IGSF10: variants seen among roughly 807,000 people sequenced by gnomAD.
IGSF10 encodes the protein immunoglobulin superfamily member 10.
A neutral mutation model predicts 128.2 loss-of-function variants in IGSF10; 126 were observed. The ratio of observed to expected loss-of-function variants is 0.98; its 90% confidence interval spans 0.85 to 1.14. IGSF10 has a LOEUF of 1.14. Ranked by LOEUF, IGSF10 falls within the 50% of genes most tolerant of loss-of-function variation. IGSF10 has a pLI of 0.00. For synonymous variants in IGSF10, 1,185 were observed against 1,146.2 expected (o/e 1.03, Z -0.68); for missense variants, 3,295 against 3,149.8 (o/e 1.05, Z -1.10).
the IGSF10 span, among the ~76,000 whole-genome samples, chr3:151,498,184 G>T: frequency 3.3e-5 from 5 of 152,136 alleles, no homozygotes; most frequent in East Asian, 1.9e-4. Context: ...CTGCCTGATT[G>T]CCCTGGCCAG....
Position 151,443,513 on chromosome 3 carries a change from T to C in IGSF10, c.5434A>G (p.Ile1812Val). ...CATTTGTAAAAGCCACGGTCATAAA[T>C]ACTGAGATTGTGGAGGACCAATGTT... ...DGTLVLHNLS[I>V]YDRGFYKCVA... The change falls in exon 7 of 8, where the codon ATT (isoleucine) becomes GTT (valine). Residue 1812 changes from isoleucine to valine, a missense_variant. By Grantham distance (29) the Ile-to-Val change is conservative. Transcript: ENST00000282466. The C allele has an allele frequency of 6.2e-7, 1 of 1,614,230 alleles. No individual in the cohort carries two copies. Among genetic ancestry groups the C allele is most frequent in the Non-Finnish European group, 8.5e-7 (1 of 1,180,044 alleles).
At chr3:151,517,270 T>C in the IGSF10 span, among the ~76,000 whole-genome samples, 2 of 152,026 alleles carry the variant, frequency 1.3e-5, no homozygotes, top group Admixed American at 6.6e-5. Context: ...ATATATCCCA[T>C]CAGATATTAT....
At chr3:151,434,893 T>C (rs547718421), downstream of IGSF10, 2 of 152,300 alleles carry the variant, frequency 1.3e-5, 1 homozygote, top group African/African-American at 4.8e-5. Flanking sequence ...GTGGGGCATA[T>C]CTTTTTTCTT....
chr3:151,432,734 AT>A (rs751723132), downstream of IGSF10: 20 of 1,609,258 alleles, frequency 1.2e-5, no homozygotes, highest in Non-Finnish European at 1.7e-5. Context: ...TTTTGGTTCA[AT>A]TTATTTTTCT....
At chr3:151,459,227 C>A (rs186616060) in intron 2 of IGSF10, among the ~76,000 whole-genome samples, 74 of 152,282 alleles carry the variant, frequency 4.9e-4, no homozygotes, top group African/African-American at 1.7e-3. Context: ...TCCTTTCCAG[C>A]CTTTTTCATC....
At chr3:151,478,780 G>A in the IGSF10 span, among the ~76,000 whole-genome samples, 2 of 151,976 alleles carry the variant, frequency 1.3e-5, no homozygotes, top group Non-Finnish European at 2.9e-5. Context: ...CATCCTTAGG[G>A]ACTAAAAAAA....
the IGSF10 span, among the ~76,000 whole-genome samples, chr3:151,593,162 G>A: frequency 3.9e-5 from 6 of 152,072 alleles, no homozygotes; most frequent in East Asian, 3.9e-4. Context: ...ACAGGTGCTC[G>A]CGCTGACATC....
At chr3:151,556,860 C>T in the IGSF10 span, among the ~76,000 whole-genome samples, 8 of 151,976 alleles carry the variant, frequency 5.3e-5, no homozygotes, top group Non-Finnish European at 1.2e-4. Context: ...GCTGACCATT[C>T]GTTCTGTCTA....
At chr3:151,527,689 C>G in the IGSF10 span, among the ~76,000 whole-genome samples, 1 of 152,108 alleles carries the variant, frequency 6.6e-6, no homozygotes, top group Non-Finnish European at 1.5e-5. Flanking sequence ...GTGGCTCATG[C>G]CTATAATCCC....
At chr3:151,474,986 T>C in the IGSF10 span, among the ~76,000 whole-genome samples, 1 of 151,940 alleles carries the variant, frequency 6.6e-6, no homozygotes, top group African/African-American at 2.4e-5. Context: ...GAGATTTAGG[T>C]GGGGACACAG....
the IGSF10 span, among the ~76,000 whole-genome samples, chr3:151,467,173 C>G: frequency 6.6e-6 from 1 of 152,158 alleles, no homozygotes; most frequent in Non-Finnish European, 1.5e-5. Flanking sequence ...GAACTAACTT[C>G]GACTGTTTCT....
the IGSF10 span, among the ~76,000 whole-genome samples, chr3:151,593,990 T>C: frequency 7.1e-6 from 1 of 141,290 alleles, no homozygotes; most frequent in Non-Finnish European, 1.6e-5. Context: ...AGGGAATGAA[T>C]ACGGCAGATC....
upstream of IGSF10, among the ~76,000 whole-genome samples, chr3:151,465,016 CA>C (rs1393303684): frequency 6.6e-6 from 1 of 152,130 alleles, no homozygotes; most frequent in Non-Finnish European, 1.5e-5. Flanking sequence ...AAATTTGAAG[CA>C]AATGCATGGT....
chr3:151,602,345 C>A, the IGSF10 span, among the ~76,000 whole-genome samples: 2 of 152,100 alleles, frequency 1.3e-5, no homozygotes, highest in Non-Finnish European at 2.9e-5. Context: ...GGCCTCAACC[C>A]ACTATTTGAT....
At chr3:151,551,183 C>T in the IGSF10 span, among the ~76,000 whole-genome samples, 1 of 152,120 alleles carries the variant, frequency 6.6e-6, no homozygotes, top group Admixed American at 6.6e-5. Flanking sequence ...TGAATAAAAA[C>T]CTTTTTGTTC....
chr3:151,616,995 T>C, the IGSF10 span, among the ~76,000 whole-genome samples: 6 of 152,314 alleles, frequency 3.9e-5, no homozygotes, highest in East Asian at 1.2e-3. Flanking sequence ...CTGAAGCCTT[T>C]AGGGCCCAAT....
In IGSF10 at chr3:151,446,884, G is replaced by A. The variant is rs145551493; in HGVS notation, c.3097C>T (p.Arg1033Trp). The A allele has an allele frequency of 3.3e-5, 54 of 1,614,138 alleles. No individual in the cohort carries two copies. The highest frequency in any genetic ancestry group is 1.2e-4 in the Admixed American group (7 of 60,020). Residue 1033 changes from arginine to tryptophan, a missense_variant, in exon 6 of 8, where the codon CGG becomes TGG. Physicochemically the swap from Arg to Trp is moderately radical, Grantham distance 101 (BLOSUM62 -3). Coordinates refer to ENST00000282466, the MANE Select transcript of IGSF10 (RefSeq NM_178822.5). ...ISPYRTPVLR[R>W]HRYSIFRSTT... ...GACCTGAAAATGCTGTATCTATGCC[G>A]TCGCAGAACTGGAGTTCTATATGGG...
chr3:151,558,986 G>A, the IGSF10 span, among the ~76,000 whole-genome samples: 1 of 152,034 alleles, frequency 6.6e-6, no homozygotes, highest in Non-Finnish European at 1.5e-5. Flanking sequence ...AAAGACATGA[G>A]ACATGAGAAA....
chr3:151,481,104 A>G, the IGSF10 span, among the ~76,000 whole-genome samples: 1 of 151,850 alleles, frequency 6.6e-6, no homozygotes, highest in Non-Finnish European at 1.5e-5. Flanking sequence ...ATGGTGCCTG[A>G]CCCCCCAGAG....
Sources: allele counts gnomAD v4.1 joint callset (sites outside exome capture counted in the v4.1 genomes callset), GRCh38; gene constraint gnomAD v4.1.1; transcripts MANE v1.5; gene names NCBI Gene and HGNC (gene_info 2026-07-23, HGNC 2026-07-21).